The following PRDM16 variants were observed in gnomAD, a reference collection of about 807,000 sequenced individuals.
The protein encoded by PRDM16 is PR/SET domain 16.
In PRDM16, 23 loss-of-function variants were observed where a neutral mutation model predicts 110.6. The observed-to-expected ratio is 0.21, with a 90% CI of 0.15 to 0.29. The LOEUF (loss-of-function observed/expected upper bound fraction) is 0.29. Among genes scored for constraint, PRDM16 ranks in the 10% least tolerant of loss-of-function variants. The pLI, the probability that PRDM16 is intolerant of heterozygous loss-of-function variation, is 1.00. For missense variants in PRDM16, 1,615 were observed against 1,794.3 expected (o/e 0.90, Z 1.81); for synonymous variants, 799 against 781.8 (o/e 1.02, Z -0.37).
At chr1:3,195,426 G>T (rs1262209637) in intron 2 of PRDM16, among the ~76,000 whole-genome samples, 11 of 152,108 alleles carry the variant, frequency 7.2e-5, no homozygotes, top group Non-Finnish European at 1.5e-4. Context: ...TTCCTTAAGG[G>T]GTAATAACTC....
At chr1:3,395,617 C>T (rs1297642910) in intron 4 of PRDM16, among the ~76,000 whole-genome samples, 1 of 152,226 alleles carries the variant, frequency 6.6e-6, no homozygotes, top group Non-Finnish European at 1.5e-5. Context: ...ACCGAAGACA[C>T]AGGGTTCCTT....
At chr1:3,224,407 C>T (rs1296026807) in intron 2 of PRDM16, among the ~76,000 whole-genome samples, 1 of 152,104 alleles carries the variant, frequency 6.6e-6, no homozygotes, top group African/African-American at 2.4e-5. Flanking sequence ...GGCCCCGGTG[C>T]GCCCCTCTCG....
At chr1:3,221,028 G>T (rs1639139293) in intron 2 of PRDM16, among the ~76,000 whole-genome samples, 1 of 152,236 alleles carries the variant, frequency 6.6e-6, no homozygotes, top group Admixed American at 6.5e-5. Flanking sequence ...CAGGAGTCAT[G>T]TTTACAACCC....
In PRDM16 at chr1:3,114,963, G is replaced by A. The variant is rs147821747; in HGVS notation, c.37+45667G>A. ...CTTGGCCAAGGCCTCCTTCTCCTCTGACCTCGCCCCTGGGCCCACCCCACC... is the reference window on the plus strand; with the variant it reads ...CTTGGCCAAGGCCTCCTTCTCCTCTAACCTCGCCCCTGGGCCCACCCCACC... On this transcript the variant is annotated intron_variant, in intron 1 of 16. Coordinates refer to ENST00000270722, the MANE Select transcript of PRDM16 (RefSeq NM_022114.4). 1.7e-3 allele frequency among the ~76,000 whole-genome samples: 259 copies of A among 152,396 alleles called. 3 individuals carry two copies. The highest frequency in any genetic ancestry group is 5.9e-3 in the African/African-American group (244 of 41,602).
intron 1 of PRDM16, among the ~76,000 whole-genome samples, chr1:3,076,509 A>G (rs1482882897): frequency 6.6e-6 from 1 of 152,168 alleles, no homozygotes; most frequent in Admixed American, 6.5e-5. Context: ...GGCATGCAGG[A>G]GCAGGGACAC....
At chr1:3,240,670 A>C (rs1328398630) in intron 2 of PRDM16, among the ~76,000 whole-genome samples, 1 of 152,142 alleles carries the variant, frequency 6.6e-6, no homozygotes, top group African/African-American at 2.4e-5. Context: ...ACGGGAGAGA[A>C]ACCTTCTGGG....
intron 1 of PRDM16, among the ~76,000 whole-genome samples, chr1:3,090,468 C>A (rs1027549981): frequency 6.6e-6 from 1 of 152,234 alleles, no homozygotes; most frequent in African/African-American, 2.4e-5. Flanking sequence ...CGACTGGCTC[C>A]CCTGAGACCA....
In PRDM16 at chr1:3,388,160, C is replaced by T. The variant is rs953574623; in HGVS notation, c.573+2874C>T. 2.6e-5 allele frequency among the ~76,000 whole-genome samples: 4 copies of T among 152,212 alleles called. 1 individual carries two copies. The highest frequency in any genetic ancestry group is 4.8e-5 in the African/African-American group (2 of 41,446). The stretch of plus-strand genomic sequence containing the variant: ...AAGGAAACATCACATGATACTAATG[C>T]CATTTCTCAGATTTCCACCATGCCA... On this transcript the variant is annotated intron_variant, in intron 4 of 16. Coordinates refer to ENST00000270722, the MANE Select transcript of PRDM16 (RefSeq NM_022114.4).
At chr1:3,139,586 C>T (rs921610113) in intron 1 of PRDM16, among the ~76,000 whole-genome samples, 20 of 151,738 alleles carry the variant, frequency 1.3e-4, no homozygotes, top group African/African-American at 3.7e-4. Flanking sequence ...TGAATGCCAT[C>T]GCGAATAATG....
chr1:3,424,596 G>C (rs987384856), intron 12 of PRDM16, among the ~76,000 whole-genome samples: 2 of 152,272 alleles, frequency 1.3e-5, no homozygotes, highest in Non-Finnish European at 2.9e-5. Context: ...GATAAACCGA[G>C]CCCGGGAGCT....
chr1:3,348,135 A>G (rs1642399186), intron 3 of PRDM16, among the ~76,000 whole-genome samples: 1 of 151,980 alleles, frequency 6.6e-6, no homozygotes. Context: ...GGGGTTGCTG[A>G]GTCTCCCCAA....
intron 4 of PRDM16, among the ~76,000 whole-genome samples, chr1:3,388,223 A>T (rs1422711973): frequency 2.0e-5 from 3 of 152,176 alleles, no homozygotes; most frequent in Non-Finnish European, 4.4e-5. Context: ...TACGAACACC[A>T]TCCCCACACA....
intron 3 of PRDM16, among the ~76,000 whole-genome samples, chr1:3,252,236 G>C (rs1161382216): frequency 1.3e-5 from 2 of 152,228 alleles, no homozygotes; most frequent in Non-Finnish European, 2.9e-5. Context: ...TGCAGGTTGA[G>C]TGCTCCCGGC....
rs1425390826 is a variant in PRDM16 at position 3,080,901 on chromosome 1, C to T, written c.37+11605C>T. On this transcript the variant is annotated intron_variant, in intron 1 of 16. Coordinates refer to ENST00000270722, the MANE Select transcript of PRDM16 (RefSeq NM_022114.4). This position sits in a 1 kb window ranked among gnomAD's most constrained non-coding sequence, Gnocchi z 5.2. ...GCAGAACCCCGGCCCGAGCACCCAA[C>T]GCTTCCCGGAGAGCTTGTGTGCCTG... 1.3e-5 allele frequency among the ~76,000 whole-genome samples: 2 copies of T among 152,070 alleles called. No homozygotes were observed. Among genetic ancestry groups the T allele is most frequent in the Non-Finnish European group, 2.9e-5 (2 of 68,006 alleles).
At chr1:3,225,428 C>T (rs927720191) in intron 2 of PRDM16, among the ~76,000 whole-genome samples, 16 of 152,130 alleles carry the variant, frequency 1.1e-4, no homozygotes, top group Non-Finnish European at 2.1e-4. Flanking sequence ...TGGTCCCCGT[C>T]GGCCTCTGAA....
chr1:3,318,600 CTA>C (rs1219238217), intron 3 of PRDM16, among the ~76,000 whole-genome samples: 1 of 152,186 alleles, frequency 6.6e-6, no homozygotes, highest in Non-Finnish European at 1.5e-5. Flanking sequence ...ACTCATCTGT[CTA>C]TGTATCTATC....
At chr1:3,269,458 G>A (rs1249914616) in intron 3 of PRDM16, among the ~76,000 whole-genome samples, 1 of 151,448 alleles carries the variant, frequency 6.6e-6, no homozygotes, top group Non-Finnish European at 1.5e-5. Context: ...TGACAGGGAG[G>A]AGGACAGTCC....
intron 3 of PRDM16, among the ~76,000 whole-genome samples, chr1:3,316,243 C>T (rs572866417): frequency 1.5e-5 from 2 of 131,534 alleles, no homozygotes; most frequent in East Asian, 4.5e-4. Context: ...TCTCCCGAGT[C>T]ACTTACCAGG....
At chr1:3,146,963 C>T (rs1464144124) in intron 1 of PRDM16, among the ~76,000 whole-genome samples, 4 of 46,982 alleles carry the variant, frequency 8.5e-5, no homozygotes, top group Non-Finnish European at 1.2e-4. Context: ...TATGTGTGCA[C>T]GTGTGCTCGG....
Sources: allele counts gnomAD v4.1 joint callset (sites outside exome capture counted in the v4.1 genomes callset), GRCh38; gene constraint gnomAD v4.1.1; non-coding constraint Gnocchi (gnomAD v3.1); transcripts MANE v1.5; gene names NCBI Gene and HGNC (gene_info 2026-07-23, HGNC 2026-07-21).